CADM2: variants seen among roughly 807,000 people sequenced by gnomAD.
CADM2 encodes cell adhesion molecule 2.
Under a neutral mutation model 49.8 loss-of-function variants are expected in CADM2, and 12 were observed. The ratio of observed to expected loss-of-function variants is 0.24; its 90% CI spans 0.15 to 0.39. The LOEUF (loss-of-function observed/expected upper bound fraction) is 0.39, where lower values mean the gene tolerates loss of function less well. Ranked by LOEUF, CADM2 falls within the 10% of genes least tolerant of loss-of-function variation. The pLI is 1.00. For synonymous variants in CADM2, 214 were observed against 175.4 expected, an observed-to-expected ratio of 1.22 and a Z score of -1.74; for missense variants, 378 against 492.3, an observed-to-expected ratio of 0.77 and a Z score of 2.20.
At chr3:85,078,266 A>C (rs1302758401) in intron 1 of CADM2, among the ~76,000 whole-genome samples, 2 of 152,026 alleles carry the variant, frequency 1.3e-5, no homozygotes, top group African/African-American at 4.8e-5. Flanking sequence ...TCTGGTGATC[A>C]ACCAGTAACA....
chr3:85,537,116 A>T (rs2107003421), intron 1 of CADM2, among the ~76,000 whole-genome samples: 1 of 152,202 alleles, frequency 6.6e-6, no homozygotes, highest in Admixed American at 6.6e-5. Context: ...ATCATTATTT[A>T]ACACAATAAT....
intron 1 of CADM2, among the ~76,000 whole-genome samples, chr3:85,613,939 GT>G (rs1428982830): frequency 2.6e-5 from 4 of 151,458 alleles, no homozygotes; most frequent in African/African-American, 7.3e-5. Context: ...CGGAACGGTA[GT>G]TTTGCACGTA....
intron 7 of CADM2, among the ~76,000 whole-genome samples, chr3:85,936,852 A>G (rs912055005): frequency 2.6e-5 from 4 of 151,762 alleles, no homozygotes; most frequent in Non-Finnish European, 5.9e-5. Context: ...CTTATTTACC[A>G]CAGTTTTGAT....
intron 3 of CADM2, among the ~76,000 whole-genome samples, chr3:85,837,551 T>C (rs2074462959): frequency 1.3e-5 from 2 of 151,610 alleles, no homozygotes; most frequent in African/African-American, 4.8e-5. Context: ...GATTTTTTTT[T>C]CCAATTGTGT....
chr3:85,942,143 T>C (rs2108556619), intron 7 of CADM2, among the ~76,000 whole-genome samples: 1 of 152,116 alleles, frequency 6.6e-6, no homozygotes, highest in African/African-American at 2.4e-5. Context: ...TTTTTCACAA[T>C]AACTCAATAA....
chr3:84,994,851 A>G (rs1213279550), intron 1 of CADM2, among the ~76,000 whole-genome samples: 1 of 152,002 alleles, frequency 6.6e-6, no homozygotes, highest in Non-Finnish European at 1.5e-5. Context: ...ACACAGTGAA[A>G]CCGTGTCTCT....
chr3:85,426,227 G>A lies in CADM2; in HGVS notation c.62-300295G>A, dbSNP rs114220792. Among the ~76,000 whole-genome samples the A allele has an allele frequency of 3.1e-3, 461 of 150,976 alleles. 8 individuals are homozygous for A. The highest frequency in any genetic ancestry group is 8.1e-3 in the East Asian group (41 of 5,088). ...CATGAACATGGCTCACTGCAGCCTC[G>A]ACCTCTTAGGCTCAAGCAATCTCCC... On this transcript the variant is annotated intron_variant, in intron 1 of 9. Coordinates refer to ENST00000383699, the MANE Select transcript of CADM2 (RefSeq NM_001167675.2).
chr3:85,941,417 A>G (rs1385322897), intron 7 of CADM2, among the ~76,000 whole-genome samples: 1 of 152,130 alleles, frequency 6.6e-6, no homozygotes, highest in African/African-American at 2.4e-5. Context: ...ATATTTAAAC[A>G]GCAAAGGAAT....
At chr3:84,987,287 T>C (rs1469058238) in intron 1 of CADM2, among the ~76,000 whole-genome samples, 1 of 151,656 alleles carries the variant, frequency 6.6e-6, no homozygotes, top group Non-Finnish European at 1.5e-5. Flanking sequence ...TTCCAAGAAA[T>C]TGGGAGAGAC....
intron 3 of CADM2, among the ~76,000 whole-genome samples, chr3:85,827,489 A>C (rs1324659560): frequency 6.6e-6 from 1 of 151,990 alleles, no homozygotes; most frequent in Non-Finnish European, 1.5e-5. Flanking sequence ...AGGAAATTAT[A>C]AAATTCTTTA....
At chr3:85,839,497 A>C (rs1483840245) in intron 3 of CADM2, among the ~76,000 whole-genome samples, 2 of 151,744 alleles carry the variant, frequency 1.3e-5, no homozygotes. Context: ...TTTTGGTTTT[A>C]ACCTTAGGAC....
intron 1 of CADM2, among the ~76,000 whole-genome samples, chr3:85,515,610 A>AATATATATATAT (rs200627018): frequency 2.3e-4 from 26 of 113,306 alleles, no homozygotes; most frequent in African/African-American, 7.9e-4. Flanking sequence ...CACGCCCACT[A>AATATATATATAT]ATATATATAT....
intron 1 of CADM2, among the ~76,000 whole-genome samples, chr3:85,574,329 G>C (rs1379572595): frequency 6.6e-6 from 1 of 152,226 alleles, no homozygotes; most frequent in Non-Finnish European, 1.5e-5. Context: ...CTGGGGTTCT[G>C]CTAAGGTAGC....
At position 85,427,366 on chromosome 3, in the gene CADM2, T is replaced by G. The variant is rs148510229; in HGVS notation, c.62-299156T>G. ...ATTAAAATTGTCTTATGAGAAGATA[T>G]GCCCACCATTCTCCTCTTTGTAATT... On this transcript the variant is annotated intron_variant, in intron 1 of 9. Coordinates refer to ENST00000383699, the MANE Select transcript of CADM2 (RefSeq NM_001167675.2). Among the ~76,000 whole-genome samples the G allele has an allele frequency of 2.7e-3, 413 of 152,050 alleles. 2 individuals are homozygous for G. Among genetic ancestry groups the G allele is most frequent in the African/African-American group, 9.4e-3 (388 of 41,466 alleles).
At chr3:85,701,383 C>T (rs1397318176) in intron 1 of CADM2, among the ~76,000 whole-genome samples, 1 of 152,164 alleles carries the variant, frequency 6.6e-6, no homozygotes, top group African/African-American at 2.4e-5. Flanking sequence ...AGTAATGTGG[C>T]ATCTTCTTTG....
chr3:86,067,058 AATC>A lies in CADM2; in HGVS notation c.*279_*281del, dbSNP rs1166951588. 2 of 349,576 alleles carry A rather than the reference AATC, an allele frequency of 5.7e-6. No homozygotes were observed. The highest frequency in any genetic ancestry group is 1.1e-5 in the Non-Finnish European group (2 of 190,426). 21.7% of individuals were successfully genotyped at this position (349,576 alleles called of 1,614,324 possible). A position where few individuals can be genotyped will look rare whatever the true frequency, so the allele number is the denominator to read the frequency against. ...TTGAATATACAGCCTTAACAATGTT[AATC>A]ATCTCCTTGGATCATTATATTGAGT... On this transcript the variant is annotated 3_prime_UTR_variant, in exon 10 of 10. Transcript: ENST00000383699.
chr3:85,127,840 G>C (rs1377757599), intron 1 of CADM2, among the ~76,000 whole-genome samples: 2 of 152,136 alleles, frequency 1.3e-5, no homozygotes, highest in East Asian at 3.9e-4. Flanking sequence ...GGTCATAATT[G>C]CCCTTGATTT....
At chr3:85,645,151 T>G (rs571527417) in intron 1 of CADM2, among the ~76,000 whole-genome samples, 1 of 152,192 alleles carries the variant, frequency 6.6e-6, no homozygotes, top group African/African-American at 2.4e-5. Context: ...TCATTTTTAA[T>G]AGTTAAATTG....
intron 1 of CADM2, among the ~76,000 whole-genome samples, chr3:85,317,261 C>A (rs1277784096): frequency 6.6e-6 from 1 of 152,142 alleles, no homozygotes; most frequent in Non-Finnish European, 1.5e-5. Context: ...AAGAAGCACA[C>A]ACTAAATTAT....
Sources: allele counts gnomAD v4.1 joint callset (sites outside exome capture counted in the v4.1 genomes callset), GRCh38; gene constraint gnomAD v4.1.1; transcripts MANE v1.5; gene names NCBI Gene and HGNC (gene_info 2026-07-23, HGNC 2026-07-21).